Variants in COL1A2 observed in about 807,000 individuals in gnomAD.
The protein encoded by COL1A2 is collagen alpha-2(I) chain.
A neutral mutation model predicts 174.3 loss-of-function variants in COL1A2; 49 were observed. That is an observed-to-expected ratio of 0.28 (90% confidence interval 0.22 to 0.36). The LOEUF is 0.36. Ranked by LOEUF, COL1A2 falls within the 10% of genes least tolerant of loss-of-function variation. The pLI, the probability that COL1A2 is intolerant of heterozygous loss-of-function variation, is 1.00. For synonymous variants in COL1A2, 655 were observed against 606.6 expected, an observed-to-expected ratio of 1.08 and a Z score of -1.17; for missense variants, 1,438 against 1,822.7, an observed-to-expected ratio of 0.79 and a Z score of 3.84.
intron 6 of COL1A2, among the ~76,000 whole-genome samples, chr7:94,404,122 T>C (rs891121525): frequency 5.3e-5 from 8 of 152,226 alleles, no homozygotes; most frequent in African/African-American, 1.9e-4. Flanking sequence ...TCAATTTATG[T>C]CCTTTGTGGC....
Position 94,425,849 on chromosome 7 carries a change from G to A in COL1A2, c.2935G>A (p.Gly979Ser). The A allele has an allele frequency of 6.2e-7, 1 of 1,610,094 alleles. No individual in the cohort carries two copies. Among genetic ancestry groups the A allele is most frequent in the South Asian group, 1.1e-5 (1 of 90,352 alleles). Residue 979 changes from glycine to serine, a missense_variant, in exon 44 of 52, where the codon GGT becomes AGT. Gly to Ser is a moderately conservative substitution (Grantham distance 56). This residue lies in a region of COL1A2 where 867 missense variants were observed against 1,213.7 expected (regional missense o/e 0.71). Coordinates refer to ENST00000297268, the MANE Select transcript of COL1A2 (RefSeq NM_000089.4). Reference sequence around the variant, plus strand: ...TCCTGCTGGCAAACATGGAAACCGTGGTGAAACTGTAAGTTTGTGAATACC... The same window carrying A: ...TCCTGCTGGCAAACATGGAAACCGTAGTGAAACTGTAAGTTTGTGAATACC... ...VGPAGKHGNR[G>S]ETGPSGPVGP... is the part of the protein sequence containing the mutation.
intron 51 of COL1A2, chr7:94,429,734 T>C (rs1792361529): frequency 3.1e-6 from 1 of 323,050 alleles, no homozygotes; most frequent in African/African-American, 2.2e-5. Flanking sequence ...TTTTAAATGG[T>C]AATGTGTGCC....
chr7:94,407,906 C>T lies in COL1A2; in HGVS notation c.639+15C>T, dbSNP rs1791835675. Reference sequence around the variant, plus strand: ...CAGGTCAAACAGTAAGTATTGACTACTTCATTGTAAATTTAAATGTGTACA... The same window carrying T: ...CAGGTCAAACAGTAAGTATTGACTATTTCATTGTAAATTTAAATGTGTACA... On this transcript the variant is annotated intron_variant, in intron 13 of 51. Coordinates refer to ENST00000297268, the MANE Select transcript of COL1A2 (RefSeq NM_000089.4). 6.2e-7 allele frequency: 1 copy of T among 1,608,978 alleles called. No individual in the cohort carries two copies. The highest frequency in any genetic ancestry group is 1.3e-5 in the African/African-American group (1 of 74,736).
chr7:94,408,374 T>C lies in COL1A2; in HGVS notation c.732T>C (p.Gly244=). Residue 244 remains glycine (G), a synonymous_variant, in exon 15 of 52, where the codon GGT becomes GGC. Transcript: ENST00000297268. The part of the protein sequence containing the change: ...RGSDGSVGPV[G]PAGPIGSAGP... ...GTGATGGAAGTGTGGGTCCCGTGGG[T>C]CCTGCTGTAAGTTTTGACACTGGGG... The C allele has an allele frequency of 6.2e-7, 1 of 1,614,172 alleles. No homozygotes were observed. The highest frequency in any genetic ancestry group is 2.2e-5 in the East Asian group (1 of 44,874).
intron 13 of COL1A2, 41 bp downstream of exon 13, chr7:94,407,932 C>G: frequency 6.4e-7 from 1 of 1,550,834 alleles, no homozygotes; most frequent in Non-Finnish European, 8.9e-7. Context: ...AATGTGTACA[C>G]TCTTTATGAG....
At position 94,420,459 on chromosome 7, in the gene COL1A2, A is replaced by G. The variant is rs753505556; in HGVS notation, c.2187+15A>G. Reference sequence around the variant, plus strand: ...CTGGTCCTGCTGTGAGTATCACATAATGAAGATTAATCTGAAAACATCCTA... The same window carrying G: ...CTGGTCCTGCTGTGAGTATCACATAGTGAAGATTAATCTGAAAACATCCTA... On this transcript the variant is annotated intron_variant, in intron 36 of 51. Coordinates refer to ENST00000297268, the MANE Select transcript of COL1A2 (RefSeq NM_000089.4). The G allele has an allele frequency of 1.2e-6, 2 of 1,614,042 alleles. No homozygotes were observed. Among genetic ancestry groups the G allele is most frequent in the African/African-American group, 2.7e-5 (2 of 74,918 alleles).
chr7:94,413,115 T>G lies in COL1A2; in HGVS notation c.1536T>G (p.His512Gln), dbSNP rs200231086. 1.2e-4 allele frequency: 195 copies of G among 1,614,250 alleles called. 3 individuals are homozygous for G. In the East Asian group the frequency reaches 4.3e-3, roughly 36 times the overall value. ...GDPGKNGDKG[H>Q]AGLAGARGAP... ...CTGGCAAAAACGGTGATAAAGGTCA[T>G]GCTGGTCTTGCTGGTGCTCGGGTAG... The change falls in exon 26 of 52, where the codon CAT becomes CAG. Residue 512 changes from histidine to glutamine, a missense_variant. By Grantham distance (24) the His-to-Gln change is conservative (BLOSUM62 0). Transcript: ENST00000297268.
intron 1 of COL1A2, among the ~76,000 whole-genome samples, chr7:94,396,747 A>G (rs1041067113): frequency 2.6e-5 from 4 of 152,216 alleles, no homozygotes; most frequent in African/African-American, 9.6e-5. Context: ...TAATTCTCGT[A>G]AATTGCCCTT....
At chr7:94,429,074 A>T in intron 50 of COL1A2, 114 bp from the exon 51 acceptor site, 1 of 869,720 alleles carries the variant, frequency 1.1e-6, no homozygotes, top group Non-Finnish European at 1.8e-6. Context: ...CTAAGCTTGG[A>T]TCTGAGTCTA....
At position 94,430,678 on chromosome 7, in the gene COL1A2, G is replaced by C. The variant is rs1231817053; in HGVS notation, c.*285G>C. On this transcript the variant is annotated 3_prime_UTR_variant, in exon 52 of 52. Transcript: ENST00000297268. ...TTGTAAGAAAACCAAAATAAAAATT[G>C]AAAAATAAAAACCATAAACATTTGC... 2.6e-6 allele frequency: 1 copy of C among 391,426 alleles called. No individual in the cohort carries two copies. The highest frequency in any genetic ancestry group is 4.6e-6 in the Non-Finnish European group (1 of 216,726). The allele number at this position is 391,426 out of a possible 1,614,324, so 24.2% of individuals were successfully genotyped here.
intron 11 of COL1A2, 90 bp from the exon 12 acceptor site, chr7:94,406,158 AAG>A (rs1791791505): frequency 7.4e-7 from 1 of 1,346,262 alleles, no homozygotes; most frequent in East Asian, 2.4e-5. Context: ...AGACTTACCC[AAG>A]AGAGATTAAT....
At chr7:94,424,630 T>C (rs1388493718) in intron 41 of COL1A2, 187 bp downstream of exon 41, 1 of 595,456 alleles carries the variant, frequency 1.7e-6, no homozygotes, top group African/African-American at 1.9e-5. Flanking sequence ...ACACACACTA[T>C]AAAGACACAG....
intron 31 of COL1A2, 178 bp from the exon 32 acceptor site, chr7:94,417,546 A>G (rs1374389371): frequency 6.3e-6 from 4 of 630,660 alleles, no homozygotes; most frequent in Admixed American, 4.3e-5. Flanking sequence ...TCACCATGTC[A>G]TTAACAGCAT....
In COL1A2 at chr7:94,410,223, G is replaced by A. The variant is rs1791891358; in HGVS notation, c.1036-19G>A. 1.2e-6 allele frequency: 2 copies of A among 1,613,076 alleles called. No individual in the cohort carries two copies. Reference sequence around the variant, plus strand: ...AACAAATGTTTGTCCTTTGACCACTGTTCTGTATTGAACCCTAGGGTGAGC... The same window carrying A: ...AACAAATGTTTGTCCTTTGACCACTATTCTGTATTGAACCCTAGGGTGAGC... On this transcript the variant is annotated intron_variant, in intron 19 of 51. Transcript: ENST00000297268.
intron 4 of COL1A2, 101 bp downstream of exon 4, chr7:94,399,185 G>C: frequency 1.8e-6 from 2 of 1,097,280 alleles, no homozygotes; most frequent in Non-Finnish European, 2.8e-6. Context: ...TATGTATCCA[G>C]ATAATTGTAC....
At chr7:94,427,510 A>T (rs1281394884) in intron 48 of COL1A2, 117 bp from the exon 49 acceptor site, 1 of 1,319,240 alleles carries the variant, frequency 7.6e-7, no homozygotes, top group East Asian at 2.3e-5. Context: ...GAACTTGATT[A>T]TTTTTTACTG....
At chr7:94,397,953 G>A (rs1286619658) in intron 2 of COL1A2, among the ~76,000 whole-genome samples, 195 bp downstream of exon 2, 2 of 151,650 alleles carry the variant, frequency 1.3e-5, no homozygotes, top group Non-Finnish European at 2.9e-5. Flanking sequence ...AAATAGGCGG[G>A]GCTACTGAAT....
rs1422128813 is a variant in COL1A2, at chr7:94,414,190, G to A, written c.1666-32G>A. 3.1e-6 allele frequency: 5 copies of A among 1,611,304 alleles called. No homozygotes were observed. The African/African-American group carries it at 6.7e-5, about 22-fold the overall frequency. On this transcript the variant is annotated intron_variant, in intron 28 of 51. Transcript: ENST00000297268. ...AGCAAATCTCCTGAACGTAGCCATGGGATTGAGATTTGTATTTCTTTTCAT... is the reference window on the plus strand; with the variant it reads ...AGCAAATCTCCTGAACGTAGCCATGAGATTGAGATTTGTATTTCTTTTCAT...
intron 51 of COL1A2, 81 bp downstream of exon 51, chr7:94,429,511 T>A: frequency 1.4e-6 from 2 of 1,478,238 alleles, no homozygotes; most frequent in Non-Finnish European, 1.9e-6. Flanking sequence ...CAAGGGGGGG[T>A]CTAAAGGGGG....
Sources: gnomAD v4.1 joint callset for allele counts (sites outside exome capture counted in the v4.1 genomes callset) on GRCh38, gnomAD v4.1.1 for gene constraint, gnomAD v4.1.1 regional missense constraint, MANE v1.5 for transcripts, NCBI Gene and HGNC (gene_info 2026-07-23, HGNC 2026-07-21) for gene names.